The following TRIM5 variants were observed in gnomAD, a reference collection of about 807,000 sequenced individuals.
TRIM5 encodes the protein tripartite motif-containing protein 5.
TRIM5 carries 31 observed loss-of-function variants against 35.6 expected under a neutral mutation model. That is an observed-to-expected ratio of 0.87 (90% CI 0.65 to 1.18). The LOEUF is 1.18. Among genes scored for constraint, TRIM5 ranks in the 50% most tolerant of loss-of-function variants. TRIM5 has a pLI of 0.00. For missense variants in TRIM5, 609 were observed against 591.6 expected (o/e 1.03, Z -0.31); for synonymous variants, 243 against 215.6 (o/e 1.13, Z -1.11).
At chr11:5,593,046 G>C in the TRIM5 span, among the ~76,000 whole-genome samples, 1 of 152,102 alleles carries the variant, frequency 6.6e-6, no homozygotes, top group Non-Finnish European at 1.5e-5. Flanking sequence ...GTCCATGTTT[G>C]ATGATCAGAA....
At chr11:5,671,828 A>T (rs998580802) in intron 4 of TRIM5, among the ~76,000 whole-genome samples, 5 of 143,930 alleles carry the variant, frequency 3.5e-5, no homozygotes, top group African/African-American at 1.3e-4. Context: ...AAAAATTGTT[A>T]CATTCTATAA....
Position 5,664,536 on chromosome 11 carries a change from C to T in TRIM5, c.*273G>A, listed in dbSNP as rs1331795688. 5 of 1,139,470 alleles carry T rather than the reference C, an allele frequency of 4.4e-6. No homozygotes were observed. Among genetic ancestry groups the T allele is most frequent in the Non-Finnish European group, 5.4e-6 (5 of 927,414 alleles). The allele number at this position is 1,139,470 out of a possible 1,614,324, so 70.6% of individuals were successfully genotyped here. A position where few individuals can be genotyped will look rare whatever the true frequency, so the allele number is the denominator to read the frequency against. On this transcript the variant is annotated 3_prime_UTR_variant, in exon 8 of 8. Coordinates refer to ENST00000380034, the MANE Select transcript of TRIM5 (RefSeq NM_033034.3). ...TGATAAATATCTGGCAGAAGTAATA[C>T]CTAAATAGCGGTCTCATTTTATGAG...
the TRIM5 span, among the ~76,000 whole-genome samples, chr11:5,604,094 C>G: frequency 6.6e-6 from 1 of 152,114 alleles, no homozygotes; most frequent in Non-Finnish European, 1.5e-5. Context: ...CTCCCGGGTT[C>G]AAGCAGTTCT....
At chr11:5,615,452 C>A in the TRIM5 span, among the ~76,000 whole-genome samples, 1 of 109,474 alleles carries the variant, frequency 9.1e-6, no homozygotes, top group African/African-American at 3.5e-5. Context: ...AGGAATGTTA[C>A]ATCCTGTTGA....
the TRIM5 span, among the ~76,000 whole-genome samples, chr11:5,652,989 A>T: frequency 2.0e-5 from 3 of 151,854 alleles, no homozygotes; most frequent in Non-Finnish European, 4.4e-5. Context: ...AGTAGCTGGG[A>T]CTACAGGTGC....
At chr11:5,650,493 T>C in the TRIM5 span, among the ~76,000 whole-genome samples, 5 of 152,236 alleles carry the variant, frequency 3.3e-5, no homozygotes, top group African/African-American at 1.2e-4. Context: ...AAACTGGATC[T>C]GAGTTTTTTC....
At chr11:5,619,684 T>A in the TRIM5 span, 1 of 143,596 alleles carries the variant, frequency 7.0e-6, no homozygotes, top group Non-Finnish European at 1.5e-5. Flanking sequence ...AACTCCTGTT[T>A]TAAATTTTTT....
the TRIM5 span, among the ~76,000 whole-genome samples, chr11:5,592,501 T>C: frequency 0.19 from 29,427 of 152,146 alleles, 2,975 homozygotes; most frequent in Middle Eastern, 0.31. Context: ...CCAGAGTCCA[T>C]CATCTTAAAT....
the TRIM5 span, among the ~76,000 whole-genome samples, chr11:5,616,788 G>T: frequency 7.1e-6 from 1 of 140,946 alleles, no homozygotes; most frequent in Non-Finnish European, 1.6e-5. Flanking sequence ...TGCCCATGCT[G>T]GAGTGCAGTG....
chr11:5,632,771 A>T, the TRIM5 span: 1 of 1,472,930 alleles, frequency 6.8e-7, no homozygotes. Flanking sequence ...CCCTAGATGG[A>T]GGGAGATGGG....
chr11:5,612,019 G>A, the TRIM5 span: 1 of 152,168 alleles, frequency 6.6e-6, no homozygotes, highest in East Asian at 1.9e-4. Flanking sequence ...AGACAATTGT[G>A]TATCATTTTT....
At chr11:5,606,480 CT>C in the TRIM5 span, among the ~76,000 whole-genome samples, 2 of 151,732 alleles carry the variant, frequency 1.3e-5, no homozygotes, top group Non-Finnish European at 2.9e-5. Flanking sequence ...TGTCTTCGTG[CT>C]TTCCTCTTGC....
the TRIM5 span, chr11:5,632,163 A>G: frequency 2.7e-6 from 4 of 1,491,330 alleles, no homozygotes; most frequent in Non-Finnish European, 3.6e-6. Context: ...TTGTTCTTTG[A>G]TATTGCAGTC....
the TRIM5 span, among the ~76,000 whole-genome samples, chr11:5,629,936 T>G: frequency 2.0e-5 from 3 of 151,998 alleles, no homozygotes; most frequent in African/African-American, 4.8e-5. Flanking sequence ...TTGATCTCCT[T>G]ACCTCGTGAT....
chr11:5,643,051 G>C, the TRIM5 span: 14 of 1,296,780 alleles, frequency 1.1e-5, no homozygotes, highest in Non-Finnish European at 1.1e-5. Context: ...CATGTCACTA[G>C]ATAAACCTAC....
At chr11:5,657,672 TATA>T in the TRIM5 span, among the ~76,000 whole-genome samples, 30 of 94,284 alleles carry the variant, frequency 3.2e-4, no homozygotes, top group African/African-American at 9.9e-4. Context: ...ATATTTATAA[TATA>T]ATATATATAT....
chr11:5,642,648 T>C, the TRIM5 span: 1 of 1,356,542 alleles, frequency 7.4e-7, no homozygotes, highest in Non-Finnish European at 9.9e-7. Context: ...GTGAAGAGGA[T>C]GCATTTATAT....
chr11:5,634,880 T>C, the TRIM5 span: 3 of 1,605,986 alleles, frequency 1.9e-6, no homozygotes, highest in Admixed American at 5.0e-5. Context: ...GTTCGCTCAA[T>C]CTGAGATTCT....
intron 4 of TRIM5, among the ~76,000 whole-genome samples, chr11:5,669,127 T>G (rs1466413277): frequency 6.7e-6 from 1 of 150,160 alleles, no homozygotes; most frequent in African/African-American, 2.5e-5. Flanking sequence ...TTTCCCAGGC[T>G]GCAGTGCAAC....
Sources: gnomAD v4.1 joint callset for allele counts (sites outside exome capture counted in the v4.1 genomes callset) on GRCh38, gnomAD v4.1.1 for gene constraint, MANE v1.5 for transcripts, NCBI Gene and HGNC (gene_info 2026-07-23, HGNC 2026-07-21) for gene names.